The following PCSK5 variants were observed in gnomAD, a reference collection of about 807,000 sequenced individuals.
PCSK5 encodes the protein proprotein convertase subtilisin/kexin type 5.
A neutral mutation model predicts 233.2 loss-of-function variants in PCSK5; 129 were observed. The ratio of observed to expected loss-of-function variants is 0.55; its 90% CI spans 0.48 to 0.64. The LOEUF is 0.64. Among genes scored for constraint, PCSK5 ranks in the 30% least tolerant of loss-of-function variants. The probability of loss-of-function intolerance (pLI) is 0.00; values close to 1 mark genes in which losing one functional copy is unlikely to be tolerated. For missense variants in PCSK5, 2,076 were observed against 2,430.1 expected (o/e 0.85, Z 3.06); for synonymous variants, 825 against 879.2 (o/e 0.94, Z 1.09).
At chr9:76,190,571 T>TAA (rs1195809408) in intron 20 of PCSK5, among the ~76,000 whole-genome samples, 1 of 134,176 alleles carries the variant, frequency 7.5e-6, no homozygotes, top group Non-Finnish European at 1.6e-5. Flanking sequence ...AATAGCAGCA[T>TAA]AAAATTCAAT....
At chr9:76,180,104 T>TATATATATACAC (rs373590869) in intron 15 of PCSK5, among the ~76,000 whole-genome samples, 130 of 144,932 alleles carry the variant, frequency 9.0e-4, no homozygotes, top group African/African-American at 3.2e-3. Flanking sequence ...TATATATATA[T>TATATATATACAC]ACACACACAC....
chr9:76,133,330 G>A (rs1333604838), intron 9 of PCSK5, among the ~76,000 whole-genome samples: 1 of 152,030 alleles, frequency 6.6e-6, no homozygotes, highest in Non-Finnish European at 1.5e-5. Flanking sequence ...GTCTATGAAA[G>A]GGAATAAAAG....
At position 76,332,564 on chromosome 9, in the gene PCSK5, G is replaced by A; in HGVS notation, c.4702G>A (p.Gly1568Ser). 6.2e-7 allele frequency: 1 copy of A among 1,609,994 alleles called. No individual in the cohort carries two copies. Among genetic ancestry groups the A allele is most frequent in the South Asian group, 1.1e-5 (1 of 90,618 alleles). ...CAGGCAGTGCCACTCCTGCCGACCGGGCTGGTTCCAGCTAGGAAAAGAGTG... is the reference window on the plus strand; with the variant it reads ...CAGGCAGTGCCACTCCTGCCGACCGAGCTGGTTCCAGCTAGGAAAAGAGTG... Reference protein sequence around the residue: ...HSRQCHSCRPGWFQLGKECLL... With the variant: ...HSRQCHSCRPSWFQLGKECLL... Residue 1568 changes from glycine (G) to serine (S), a missense_variant, in exon 34 of 38, where the codon GGC (glycine) becomes AGC (serine). Coordinates refer to ENST00000674117, the MANE Select transcript of PCSK5 (RefSeq NM_001372043.1).
chr9:75,932,068 G>T (rs1292345856), intron 1 of PCSK5, among the ~76,000 whole-genome samples: 3 of 152,176 alleles, frequency 2.0e-5, no homozygotes, highest in Non-Finnish European at 4.4e-5. Flanking sequence ...GGTATAGATT[G>T]ATATAGAATT....
intron 35 of PCSK5, among the ~76,000 whole-genome samples, chr9:76,343,633 T>C (rs1312837197): frequency 6.6e-6 from 1 of 152,156 alleles, no homozygotes; most frequent in African/African-American, 2.4e-5. Flanking sequence ...ACTATAAACC[T>C]GAACCAACCT....
At chr9:76,295,929 G>A (rs1828423743) in intron 26 of PCSK5, among the ~76,000 whole-genome samples, 1 of 152,232 alleles carries the variant, frequency 6.6e-6, no homozygotes, top group Non-Finnish European at 1.5e-5. Context: ...GGGGGAGAAA[G>A]AATGAGAAGG....
At chr9:76,301,866 A>G (rs781195105) in intron 27 of PCSK5, among the ~76,000 whole-genome samples, 20 of 152,168 alleles carry the variant, frequency 1.3e-4, no homozygotes, top group Non-Finnish European at 2.6e-4. Context: ...GATGTTTACA[A>G]GGAATGCTAA....
At chr9:76,084,410 C>T (rs776925134) in intron 7 of PCSK5, among the ~76,000 whole-genome samples, 15 of 152,138 alleles carry the variant, frequency 9.9e-5, no homozygotes, top group Non-Finnish European at 2.1e-4. Context: ...GTTTAGAGAT[C>T]CATTAGTAAC....
At position 76,358,524 on chromosome 9, in the gene PCSK5, C is replaced by T. The variant is rs1292084821; in HGVS notation, c.5266C>T (p.Leu1756Phe). The T allele has an allele frequency of 2.9e-5, 46 of 1,608,814 alleles. No homozygotes were observed. Among genetic ancestry groups the T allele is most frequent in the Admixed American group, 3.3e-5 (2 of 59,908 alleles). The change falls in exon 38 of 38, where the codon CTT (leucine) becomes TTT (phenylalanine). Residue 1756 changes from leucine (L) to phenylalanine (F), a missense_variant. Coordinates refer to ENST00000674117, the MANE Select transcript of PCSK5 (RefSeq NM_001372043.1). ...TCTTCTTCCAACAGACGAATGCATCCTTCGAACAAGCAAGGTTAGGCCTGC... is the reference window on the plus strand; with the variant it reads ...TCTTCTTCCAACAGACGAATGCATCTTTCGAACAAGCAAGGTTAGGCCTGC... ...DCQDTTDECI[L>F]RTSKVRPATE...
At position 76,175,320 on chromosome 9, in the gene PCSK5, C is replaced by CAGAAT. The variant is rs377078268; in HGVS notation, c.1900+201_1900+205dup. ...TAGAATAGAATAGAATAGAACAGAA[C>CAGAAT]AGAATAGAATAGAACAGAACAATCT... is the stretch of plus-strand genomic sequence containing the variant. On this transcript the variant is annotated intron_variant, in intron 14 of 37. Transcript: ENST00000674117. The CAGAAT allele has an allele frequency of 3.1e-3, 1,497 of 477,292 alleles. 25 individuals are homozygous for CAGAAT. The highest frequency in any genetic ancestry group is 0.03 in the African/African-American group (1,280 of 42,778). The allele number at this position is 477,292 out of a possible 1,614,324, so 29.6% of individuals were successfully genotyped here. A position where few individuals can be genotyped will look rare whatever the true frequency, so the allele number is the denominator to read the frequency against.
rs1185766026 is a variant in PCSK5, at chr9:75,980,766, C to CA, written c.298-5365dup. On this transcript the variant is annotated intron_variant, in intron 2 of 37. Transcript: ENST00000674117. ...TCTCTGATTTTTTTTTTTTTCTCAC[C>CA]AGTTAGCTTTGATGTTTTGATCAGA... Among the ~76,000 whole-genome samples, 45 of 150,400 alleles carry CA rather than the reference C, an allele frequency of 3.0e-4. No homozygotes were observed. In the East Asian group the frequency reaches 7.4e-3, roughly 25 times the overall value.
chr9:75,892,323 T>A (rs766391908), intron 1 of PCSK5, among the ~76,000 whole-genome samples: 15 of 152,224 alleles, frequency 9.9e-5, no homozygotes, highest in Non-Finnish European at 2.1e-4. Flanking sequence ...CTTGGCTTTC[T>A]GGTTCTCTTC....
Position 76,239,081 on chromosome 9 carries a change from A to G in PCSK5, c.2989A>G (p.Ser997Gly), listed in dbSNP as rs537047718. Residue 997 changes from serine (S) to glycine (G), a missense_variant, in exon 23 of 38, where the codon AGC (serine) becomes GGC (glycine). Ser to Gly is a moderately conservative substitution (Grantham distance 56). Transcript: ENST00000674117. ...PCPDNCELCH[S>G]VHVCTRCMKG... ...CCCAGACAACTGTGAGCTTTGCCACAGCGTGCATGTCTGCACAAGATGCAT... is the reference window on the plus strand; with the variant it reads ...CCCAGACAACTGTGAGCTTTGCCACGGCGTGCATGTCTGCACAAGATGCAT... 8.1e-6 allele frequency: 13 copies of G among 1,610,038 alleles called. No homozygotes were observed. The highest frequency in any genetic ancestry group is 8.0e-5 in the African/African-American group (6 of 75,038).
At chr9:76,174,837 A>G (rs1823500280) in intron 13 of PCSK5, 149 bp from the exon 14 acceptor site, 2 of 651,106 alleles carry the variant, frequency 3.1e-6, no homozygotes, top group East Asian at 5.5e-5. Flanking sequence ...AGAAATACGC[A>G]TTTCTAGCTC....
intron 7 of PCSK5, among the ~76,000 whole-genome samples, chr9:76,089,444 T>C (rs1305396218): frequency 6.6e-6 from 1 of 152,242 alleles, no homozygotes; most frequent in Non-Finnish European, 1.5e-5. Flanking sequence ...CCTAGTTATA[T>C]GATACTGGGC....
chr9:76,201,922 C>A (rs1351130347), intron 20 of PCSK5, among the ~76,000 whole-genome samples: 1 of 152,078 alleles, frequency 6.6e-6, no homozygotes, highest in Non-Finnish European at 1.5e-5. Context: ...AAAGTTAATA[C>A]AAATACTTAA....
At chr9:76,147,227 T>C (rs1823476287) in intron 10 of PCSK5, among the ~76,000 whole-genome samples, 1 of 152,204 alleles carries the variant, frequency 6.6e-6, no homozygotes, top group African/African-American at 2.4e-5. Flanking sequence ...GTGTGAGTGA[T>C]AATGCAAGTC....
intron 1 of PCSK5, among the ~76,000 whole-genome samples, chr9:75,924,854 G>C (rs921720230): frequency 2.0e-5 from 3 of 152,140 alleles, no homozygotes; most frequent in African/African-American, 7.2e-5. Flanking sequence ...TCTGGAATTA[G>C]GCTGCCCACC....
In PCSK5 at chr9:76,359,732, T is replaced by A. The variant is rs1312078735; in HGVS notation, c.*810T>A. The A allele has an allele frequency of 2.0e-5, 3 of 151,966 alleles. No homozygotes were observed. Among genetic ancestry groups the A allele is most frequent in the African/African-American group, 7.3e-5 (3 of 41,370 alleles). The allele number at this position is 151,966 out of a possible 1,614,324, so 9.4% of individuals were successfully genotyped here. A position where few individuals can be genotyped will look rare whatever the true frequency, so the allele number is the denominator to read the frequency against. On this transcript the variant is annotated 3_prime_UTR_variant, in exon 38 of 38. Coordinates refer to ENST00000674117, the MANE Select transcript of PCSK5 (RefSeq NM_001372043.1). ...GGGAGACATCAGCTAAGACATCGAA[T>A]AATAAAAGAAAAATGGCAGTGTTAA...
Sources: allele counts gnomAD v4.1 joint callset (sites outside exome capture counted in the v4.1 genomes callset), GRCh38; gene constraint gnomAD v4.1.1; transcripts MANE v1.5; gene names NCBI Gene and HGNC (gene_info 2026-07-23, HGNC 2026-07-21).